The following RAP1A variants were observed in gnomAD, a reference collection of about 807,000 sequenced individuals.
The protein encoded by RAP1A is RAP1A, member of RAS oncogene family.
A neutral mutation model predicts 26.4 loss-of-function variants in RAP1A; 6 were observed. The ratio of observed to expected loss-of-function variants is 0.23; its 90% CI spans 0.12 to 0.45. RAP1A has a LOEUF of 0.45. Among genes scored for constraint, RAP1A ranks in the 20% least tolerant of loss-of-function variants. RAP1A has a pLI of 0.99. For missense variants in RAP1A, 121 were observed against 217.2 expected, an observed-to-expected ratio of 0.56 and a Z score of 2.78; for synonymous variants, 73 against 79.4, an observed-to-expected ratio of 0.92 and a Z score of 0.43.
chr1:111,619,161 G>GTTTAT (rs1370940690), upstream of RAP1A, among the ~76,000 whole-genome samples: 1 of 152,186 alleles, frequency 6.6e-6, no homozygotes, highest in Non-Finnish European at 1.5e-5. Flanking sequence ...CCACCTCTGG[G>GTTTAT]TTTATGGCTG....
chr1:111,705,142 C>CT (rs1427297185), intron 6 of RAP1A, among the ~76,000 whole-genome samples: 1 of 152,184 alleles, frequency 6.6e-6, no homozygotes, highest in African/African-American at 2.4e-5. Flanking sequence ...TACTGGGCCC[C>CT]TAAAAATTTA....
chr1:111,607,863 G>C (rs1163429475), intron 1 of RAP1A, among the ~76,000 whole-genome samples: 1 of 99,886 alleles, frequency 1.0e-5, no homozygotes, highest in East Asian at 2.5e-4. Context: ...GGCCGGGCGG[G>C]GCCTGACCCC....
intron 1 of RAP1A, among the ~76,000 whole-genome samples, chr1:111,566,701 A>G (rs1657925246): frequency 6.6e-6 from 1 of 152,200 alleles, no homozygotes; most frequent in Non-Finnish European, 1.5e-5. Flanking sequence ...ACAAGATTAT[A>G]TCTCTCAAAA....
At chr1:111,564,364 A>G (rs1460043800) in intron 1 of RAP1A, among the ~76,000 whole-genome samples, 1 of 152,136 alleles carries the variant, frequency 6.6e-6, no homozygotes, top group African/African-American at 2.4e-5. Flanking sequence ...AGTTGGGAGT[A>G]TAGGCCTAGC....
intron 1 of RAP1A, among the ~76,000 whole-genome samples, chr1:111,605,176 T>C (rs1433419204): frequency 1.3e-5 from 2 of 152,220 alleles, no homozygotes; most frequent in Non-Finnish European, 2.9e-5. Flanking sequence ...AGGAAGGTAG[T>C]TTCCACATTT....
intron 1 of RAP1A, among the ~76,000 whole-genome samples, chr1:111,629,595 G>T (rs1289483362): frequency 2.0e-5 from 3 of 152,084 alleles, no homozygotes; most frequent in African/African-American, 7.2e-5. Flanking sequence ...TCCAAATACT[G>T]CCTAAATTCA....
Position 111,629,716 on chromosome 1 carries a change from A to T in RAP1A, c.-28+9782A>T, listed in dbSNP as rs182240210. On this transcript the variant is annotated intron_variant, in intron 1 of 7. Transcript: ENST00000369709. ...ACTCACAGTGCTCGTAGTGTTGGGG[A>T]TTGTGTGCGTGTGACTTTTTTTTAC... Among the ~76,000 whole-genome samples, 272 of 152,220 alleles carry T rather than the reference A, an allele frequency of 1.8e-3. 3 individuals are homozygous for T. The highest frequency in any genetic ancestry group is 5.7e-3 in the African/African-American group (237 of 41,554).
At chr1:111,595,829 T>C (rs748189607) in intron 1 of RAP1A, among the ~76,000 whole-genome samples, 4 of 152,044 alleles carry the variant, frequency 2.6e-5, no homozygotes, top group Non-Finnish European at 4.4e-5. Flanking sequence ...GCAAGTCCTG[T>C]TTCATAGAAA....
At chr1:111,634,403 G>A (rs1309364116) in intron 1 of RAP1A, among the ~76,000 whole-genome samples, 1 of 151,672 alleles carries the variant, frequency 6.6e-6, no homozygotes, top group African/African-American at 2.4e-5. Context: ...TGTTTACATA[G>A]TATGATTTTA....
chr1:111,613,039 G>A (rs972876785), intron 1 of RAP1A, among the ~76,000 whole-genome samples: 5 of 152,084 alleles, frequency 3.3e-5, no homozygotes, highest in African/African-American at 1.2e-4. Flanking sequence ...GGCAAAAGCT[G>A]CATTTAAAGC....
chr1:111,665,893 A>C (rs542055882), intron 1 of RAP1A, among the ~76,000 whole-genome samples: 1 of 152,332 alleles, frequency 6.6e-6, no homozygotes, highest in South Asian at 2.1e-4. Context: ...TTTAATATGA[A>C]GCATATATTT....
At chr1:111,629,677 A>G (rs74109830) in intron 1 of RAP1A, among the ~76,000 whole-genome samples, 55 of 152,324 alleles carry the variant, frequency 3.6e-4, no homozygotes, top group African/African-American at 1.3e-3. Flanking sequence ...TTTTTAAATT[A>G]ATAAGCAAAT....
intron 2 of RAP1A, 112 bp downstream of exon 2, chr1:111,691,529 C>T: frequency 1.1e-6 from 1 of 892,418 alleles, no homozygotes; most frequent in South Asian, 1.5e-5. Context: ...TATTATATAT[C>T]TGATATCTGT....
At chr1:111,585,887 C>A (rs116286137) in intron 1 of RAP1A, among the ~76,000 whole-genome samples, 1,596 of 152,298 alleles carry the variant, frequency 0.01, 10 homozygotes, top group Non-Finnish European at 0.016. Flanking sequence ...CTAACTATAG[C>A]CCTGTGACCT....
intron 1 of RAP1A, among the ~76,000 whole-genome samples, chr1:111,584,759 C>CCA (rs745380895): frequency 2.6e-5 from 4 of 151,974 alleles, no homozygotes; most frequent in Non-Finnish European, 5.9e-5. Context: ...TGGCCGGTGA[C>CCA]CAGAATGCCA....
rs911221187 is a variant in RAP1A at position 111,580,574 on chromosome 1, C to T, written c.-28+38065C>T. Among the ~76,000 whole-genome samples, 5 of 152,252 alleles carry T rather than the reference C, an allele frequency of 3.3e-5. No individual in the cohort carries two copies. The South Asian group carries it at 6.2e-4, about 19-fold the overall frequency. ...CAAGACTAGAGCCCTAGTTGCCGGGCGTGGTGGCTCAAGCCTGTAATCCCA... is the reference window on the plus strand; with the variant it reads ...CAAGACTAGAGCCCTAGTTGCCGGGTGTGGTGGCTCAAGCCTGTAATCCCA... On this transcript the variant is annotated intron_variant, in intron 1 of 7. Transcript: ENST00000356415.
chr1:111,671,202 A>G (rs887466247), intron 1 of RAP1A, among the ~76,000 whole-genome samples: 15 of 152,186 alleles, frequency 9.9e-5, no homozygotes, highest in Non-Finnish European at 1.8e-4. Flanking sequence ...CCCTGTGCCC[A>G]TAGAACTCCT....
rs539622755 is a variant in RAP1A at position 111,584,097 on chromosome 1, G to T, written c.-28+41588G>T. On this transcript the variant is annotated intron_variant, in intron 1 of 7. Transcript: ENST00000356415. ...AGGTTTCACCATGTTGGCCAGGCTG[G>T]TCTTGAACTCCTGACCTCAGGTGAT... 6.6e-5 allele frequency among the ~76,000 whole-genome samples: 10 copies of T among 152,038 alleles called. No homozygotes were observed. The East Asian group carries it at 1.9e-3, about 29-fold the overall frequency.
chr1:111,659,950 A>G (rs1384854912), intron 1 of RAP1A, among the ~76,000 whole-genome samples: 1 of 152,332 alleles, frequency 6.6e-6, no homozygotes, highest in South Asian at 2.1e-4. Context: ...TCCATAAGCT[A>G]TAGTCACCTA....
Sources: allele counts gnomAD v4.1 joint callset (sites outside exome capture counted in the v4.1 genomes callset), GRCh38; gene constraint gnomAD v4.1.1; transcripts MANE v1.5; gene names NCBI Gene and HGNC (gene_info 2026-07-23, HGNC 2026-07-21).